The following IL1RAPL2 variants were observed in gnomAD, a reference collection of about 807,000 sequenced individuals.
The protein encoded by IL1RAPL2 is interleukin 1 receptor accessory protein like 2, also known as X-linked interleukin-1 receptor accessory protein-like 2.
Under a neutral mutation model 44.1 loss-of-function variants are expected in IL1RAPL2, and 3 were observed. The observed-to-expected ratio is 0.07, with a 90% CI of 0.03 to 0.18. The LOEUF (loss-of-function observed/expected upper bound fraction) is 0.18. Ranked by LOEUF, IL1RAPL2 falls within the 10% of genes least tolerant of loss-of-function variation. The pLI is 1.00. For missense variants in IL1RAPL2, 391 were observed against 496.4 expected, an observed-to-expected ratio of 0.79 and a Z score of 2.02; for synonymous variants, 181 against 178.8, an observed-to-expected ratio of 1.01 and a Z score of -0.10.
At chrX:104,601,114 A>G (rs1055759902) in intron 1 of IL1RAPL2, among the ~76,000 whole-genome samples, 4 of 112,096 alleles carry the variant, frequency 3.6e-5, no homozygotes, top group African/African-American at 1.3e-4. Context: ...TATGATATGC[A>G]AACCATGGAG....
intron 2 of IL1RAPL2, among the ~76,000 whole-genome samples, chrX:104,671,020 A>G (rs970810045): frequency 9.0e-6 from 1 of 111,478 alleles, no homozygotes; most frequent in South Asian, 3.8e-4. Context: ...CATATAATAT[A>G]TGGCATACAA....
At chrX:104,799,364 C>T (rs1461605764) in intron 2 of IL1RAPL2, among the ~76,000 whole-genome samples, 1 of 111,622 alleles carries the variant, frequency 9.0e-6, no homozygotes, top group Non-Finnish European at 1.9e-5. Flanking sequence ...CTCCAATGAG[C>T]ATCAATGTGT....
intron 3 of IL1RAPL2, among the ~76,000 whole-genome samples, chrX:105,210,801 G>A (rs782577457): frequency 8.1e-5 from 9 of 111,031 alleles, no homozygotes; most frequent in African/African-American, 3.0e-4. Flanking sequence ...GATGTCCCAG[G>A]GCCATGACAG....
At chrX:105,328,398 A>G (rs1052415995) in intron 5 of IL1RAPL2, among the ~76,000 whole-genome samples, 1 of 111,994 alleles carries the variant, frequency 8.9e-6, no homozygotes, top group African/African-American at 3.2e-5. Flanking sequence ...CTTAATTCTC[A>G]TGGCTCTAAC....
At chrX:104,583,216 A>G (rs1928446487) in intron 1 of IL1RAPL2, among the ~76,000 whole-genome samples, 1 of 111,033 alleles carries the variant, frequency 9.0e-6, no homozygotes, top group Non-Finnish European at 1.9e-5. Context: ...AGACATGCAT[A>G]TACACATATA....
chrX:104,826,687 T>A (rs1374526109), intron 2 of IL1RAPL2, among the ~76,000 whole-genome samples: 1 of 110,855 alleles, frequency 9.0e-6, no homozygotes, highest in African/African-American at 3.3e-5. Flanking sequence ...GTTTCATTGA[T>A]CTGTCTAATA....
rs1395721722 is a variant in IL1RAPL2, at chrX:105,719,084, A to T, written c.902+1588A>T. Among the ~76,000 whole-genome samples the T allele has an allele frequency of 3.6e-5, 4 of 112,183 alleles. No individual in the cohort carries two copies. The Admixed American group carries it at 3.8e-4, about 11-fold the overall frequency. On this transcript the variant is annotated intron_variant, in intron 7 of 10. Transcript: ENST00000372582. Reference sequence around the variant, plus strand: ...AAATCAAAACATATATCTACAAAAAACTGGTCCATGAATGTTCATAGCAGC... The same window carrying T: ...AAATCAAAACATATATCTACAAAAATCTGGTCCATGAATGTTCATAGCAGC...
At chrX:104,682,758 G>A (rs1930909974) in intron 2 of IL1RAPL2, among the ~76,000 whole-genome samples, 1 of 112,307 alleles carries the variant, frequency 8.9e-6, no homozygotes, top group Non-Finnish European at 1.9e-5. Context: ...TATCATAAAT[G>A]TTAATAATTA....
chrX:105,292,835 C>T (rs1283526650), intron 5 of IL1RAPL2, among the ~76,000 whole-genome samples: 3 of 108,446 alleles, frequency 2.8e-5, no homozygotes, highest in Admixed American at 9.9e-5. Flanking sequence ...CAGTCCTGGC[C>T]GGGTGCAGTG....
At chrX:105,316,144 C>T (rs1052659200) in intron 5 of IL1RAPL2, among the ~76,000 whole-genome samples, 3 of 110,768 alleles carry the variant, frequency 2.7e-5, no homozygotes, top group Non-Finnish European at 5.7e-5. Flanking sequence ...TGTGATGGTG[C>T]ATGCCTGTAA....
At chrX:105,037,513 C>A (rs1034499358) in intron 2 of IL1RAPL2, among the ~76,000 whole-genome samples, 1 of 110,848 alleles carries the variant, frequency 9.0e-6, no homozygotes, top group Admixed American at 9.7e-5. Context: ...CTTCTATGTG[C>A]CAGTCAATAG....
chrX:105,661,211 G>A (rs1027988924), intron 6 of IL1RAPL2, among the ~76,000 whole-genome samples: 1 of 111,850 alleles, frequency 8.9e-6, no homozygotes, highest in African/African-American at 3.2e-5. Flanking sequence ...TGATAAAGGA[G>A]TCAATTCAGC....
At chrX:105,099,751 C>G (rs1444233423) in intron 2 of IL1RAPL2, among the ~76,000 whole-genome samples, 2 of 109,846 alleles carry the variant, frequency 1.8e-5, no homozygotes, top group African/African-American at 6.7e-5. Flanking sequence ...CAGGCGTGAG[C>G]CACCGCGCCC....
chrX:104,887,731 C>T (rs79664550), intron 2 of IL1RAPL2, among the ~76,000 whole-genome samples: 1 of 111,702 alleles, frequency 9.0e-6, no homozygotes, highest in South Asian at 3.8e-4. Context: ...ATAGTCCAGA[C>T]TTATGCTGCC....
intron 6 of IL1RAPL2, among the ~76,000 whole-genome samples, chrX:105,693,328 G>C (rs915315128): frequency 9.0e-6 from 1 of 111,630 alleles, no homozygotes; most frequent in African/African-American, 3.3e-5. Context: ...TTGGGTCATG[G>C]GGGCGAATCC....
chrX:105,263,450 A>G (rs1285927538), intron 4 of IL1RAPL2, among the ~76,000 whole-genome samples: 1 of 112,001 alleles, frequency 8.9e-6, no homozygotes, highest in African/African-American at 3.2e-5. Flanking sequence ...AACCACAACC[A>G]CCAAATCAAA....
At chrX:104,731,647 C>T (rs1931921939) in intron 2 of IL1RAPL2, among the ~76,000 whole-genome samples, 1 of 111,571 alleles carries the variant, frequency 9.0e-6, no homozygotes. Flanking sequence ...AGTTTATCCA[C>T]CTGCCTCGGC....
At chrX:104,638,383 T>G (rs775160905) in intron 1 of IL1RAPL2, among the ~76,000 whole-genome samples, 41 of 111,645 alleles carry the variant, frequency 3.7e-4, no homozygotes, top group Non-Finnish European at 7.5e-4. Context: ...GCTCTGATCT[T>G]TATTTTTTTC....
At chrX:105,376,073 C>T (rs1210033851) in intron 5 of IL1RAPL2, among the ~76,000 whole-genome samples, 1 of 111,684 alleles carries the variant, frequency 9.0e-6, no homozygotes, top group Non-Finnish European at 1.9e-5. Flanking sequence ...TCACATGGGG[C>T]CTGGGCAACG....
Sources: allele counts gnomAD v4.1 joint callset (sites outside exome capture counted in the v4.1 genomes callset), GRCh38; gene constraint gnomAD v4.1.1; transcripts MANE v1.5; gene names NCBI Gene and HGNC (gene_info 2026-07-23, HGNC 2026-07-21).